EPHA3: variants seen among roughly 807,000 people sequenced by gnomAD.
EPHA3 encodes ephrin type-A receptor 3.
Under a neutral mutation model 107.1 loss-of-function variants are expected in EPHA3, and 42 were observed. The observed-to-expected ratio is 0.39, with a 90% CI of 0.31 to 0.51. EPHA3 has a LOEUF of 0.51. Among genes scored for constraint, EPHA3 ranks in the 20% least tolerant of loss-of-function variants. The pLI, the probability that EPHA3 is intolerant of heterozygous loss-of-function variation, is 0.78. For synonymous variants in EPHA3, 461 were observed against 424.8 expected (o/e 1.09, Z -1.05); for missense variants, 1,183 against 1,211.2 (o/e 0.98, Z 0.35).
chr3:89,431,755 A>C (rs949215587), intron 13 of EPHA3, among the ~76,000 whole-genome samples: 5 of 152,176 alleles, frequency 3.3e-5, no homozygotes, highest in African/African-American at 1.2e-4. Flanking sequence ...TTTTTTAATA[A>C]GTAATACCTA....
intron 2 of EPHA3, among the ~76,000 whole-genome samples, chr3:89,143,580 T>C (rs1704476226): frequency 6.6e-6 from 1 of 151,538 alleles, no homozygotes; most frequent in Non-Finnish European, 1.5e-5. Flanking sequence ...ATGCGGGTTT[T>C]AAAAAAATTC....
intron 5 of EPHA3, among the ~76,000 whole-genome samples, chr3:89,387,477 A>C (rs114833390): frequency 6.6e-6 from 1 of 152,176 alleles, no homozygotes; most frequent in Admixed American, 6.5e-5. Context: ...CTGAGTAACT[A>C]TGTCAATTAA....
At chr3:89,392,446 A>G (rs946390540) in intron 5 of EPHA3, among the ~76,000 whole-genome samples, 8 of 151,994 alleles carry the variant, frequency 5.3e-5, no homozygotes, top group Admixed American at 6.6e-5. Context: ...CGAAAAAAAA[A>G]AAACCTAGGC....
intron 2 of EPHA3, among the ~76,000 whole-genome samples, chr3:89,132,120 AGAGACC>A (rs1261262061): frequency 3.3e-5 from 5 of 152,178 alleles, no homozygotes; most frequent in Non-Finnish European, 7.3e-5. Context: ...AGAGATAGGG[AGAGACC>A]CATCATTTCC....
chr3:89,450,903 C>A (rs896816587), intron 15 of EPHA3, among the ~76,000 whole-genome samples: 14 of 152,126 alleles, frequency 9.2e-5, no homozygotes, highest in Non-Finnish European at 1.2e-4. Context: ...GAGACTCTCT[C>A]TCTAAATAAA....
At chr3:89,130,657 T>C (rs1177947883) in intron 2 of EPHA3, among the ~76,000 whole-genome samples, 7 of 149,740 alleles carry the variant, frequency 4.7e-5, no homozygotes, top group Admixed American at 2.0e-4. Context: ...TTTTTTGAAA[T>C]GGAGTCTCGC....
intron 2 of EPHA3, among the ~76,000 whole-genome samples, chr3:89,174,823 A>G (rs563329468): frequency 8.5e-5 from 13 of 152,098 alleles, no homozygotes; most frequent in African/African-American, 2.9e-4. Flanking sequence ...ATTTAATAGG[A>G]TATAAATAAT....
chr3:89,331,266 T>G (rs1283320230), intron 3 of EPHA3, among the ~76,000 whole-genome samples: 2 of 152,198 alleles, frequency 1.3e-5, no homozygotes, highest in African/African-American at 2.4e-5. Context: ...CTTTTCGTTT[T>G]TAAGTTTATG....
chr3:89,307,726 AT>A (rs977399573), intron 3 of EPHA3, among the ~76,000 whole-genome samples: 1 of 151,852 alleles, frequency 6.6e-6, no homozygotes, highest in Non-Finnish European at 1.5e-5. Flanking sequence ...TAATTTTTGT[AT>A]TTTTTTGCAG....
At chr3:89,439,327 G>T (rs1709736013) in intron 13 of EPHA3, among the ~76,000 whole-genome samples, 1 of 152,086 alleles carries the variant, frequency 6.6e-6, no homozygotes, top group Non-Finnish European at 1.5e-5. Context: ...TATTGGTGAT[G>T]CATGCCTTTA....
chr3:89,171,185 G>A lies in EPHA3; in HGVS notation c.154-38675G>A, dbSNP rs550823211. On this transcript the variant is annotated intron_variant, in intron 2 of 16. Transcript: ENST00000336596. ...TTTACCCACTAAAATAAAATGAACT[G>A]TTATATAGCAGGCTTAACTACCTCT... is the stretch of plus-strand genomic sequence containing the variant. 4.6e-5 allele frequency among the ~76,000 whole-genome samples: 7 copies of A among 152,204 alleles called. No individual in the cohort carries two copies. In the East Asian group the frequency reaches 1.4e-3, roughly 29 times the overall value.
chr3:89,211,806 CT>C, intron 3 of EPHA3, among the ~76,000 whole-genome samples: 1 of 107,386 alleles, frequency 9.3e-6, no homozygotes, highest in East Asian at 2.2e-4. Context: ...TCTTCTTCTT[CT>C]TCTTCTTCTT....
chr3:89,286,246 G>C (rs1031644737), intron 3 of EPHA3, among the ~76,000 whole-genome samples: 1 of 151,524 alleles, frequency 6.6e-6, no homozygotes, highest in African/African-American at 2.4e-5. Flanking sequence ...AGTAGGGAGA[G>C]AGGAGTAGAG....
At chr3:89,292,290 GTATAAC>G (rs1706224982) in intron 3 of EPHA3, among the ~76,000 whole-genome samples, 1 of 152,098 alleles carries the variant, frequency 6.6e-6, no homozygotes, top group African/African-American at 2.4e-5. Flanking sequence ...TTAATATACA[GTATAAC>G]TACTATTTCC....
chr3:89,363,844 A>T (rs1207294626), intron 5 of EPHA3, among the ~76,000 whole-genome samples: 1 of 150,804 alleles, frequency 6.6e-6, no homozygotes, highest in African/African-American at 2.4e-5. Flanking sequence ...ATGGATCTTC[A>T]TTCTTCCTTG....
chr3:89,295,002 G>A (rs1706311804), intron 3 of EPHA3, among the ~76,000 whole-genome samples: 1 of 152,036 alleles, frequency 6.6e-6, no homozygotes, highest in Non-Finnish European at 1.5e-5. Flanking sequence ...TTTTACATTT[G>A]TTACATGGAT....
intron 7 of EPHA3, among the ~76,000 whole-genome samples, chr3:89,405,598 T>C (rs1165955061): frequency 6.6e-6 from 1 of 152,210 alleles, no homozygotes; most frequent in African/African-American, 2.4e-5. Context: ...TTTCTTTTCT[T>C]GCATTATTTA....
At chr3:89,450,096 T>G in intron 14 of EPHA3, 81 bp from the exon 15 acceptor site, 27 of 1,173,464 alleles carry the variant, frequency 2.3e-5, no homozygotes, top group Non-Finnish European at 2.7e-5. Flanking sequence ...AGCATATTTG[T>G]GAGCCCCGCC....
intron 3 of EPHA3, among the ~76,000 whole-genome samples, chr3:89,256,882 A>G (rs1705299120): frequency 6.6e-6 from 1 of 152,216 alleles, no homozygotes; most frequent in South Asian, 2.1e-4. Context: ...GAATCTTAAT[A>G]CATATGAGCA....
Sources: allele counts gnomAD v4.1 joint callset (sites outside exome capture counted in the v4.1 genomes callset), GRCh38; gene constraint gnomAD v4.1.1; transcripts MANE v1.5; gene names NCBI Gene and HGNC (gene_info 2026-07-23, HGNC 2026-07-21).